Variants in KCNQ5 observed in about 807,000 individuals in gnomAD.
KCNQ5 encodes the protein potassium voltage-gated channel subfamily KQT member 5.
KCNQ5 carries 30 observed loss-of-function variants against 98.2 expected under a neutral mutation model. The ratio of observed to expected loss-of-function variants is 0.31; its 90% CI spans 0.23 to 0.41. KCNQ5 has a LOEUF of 0.41. KCNQ5 is among the 10% of genes least tolerant of loss of function. The pLI, the probability that KCNQ5 is intolerant of heterozygous loss-of-function variation, is 1.00. For missense variants in KCNQ5, 835 were observed against 1,182.5 expected, an observed-to-expected ratio of 0.71 and a Z score of 4.31; for synonymous variants, 458 against 449.4, an observed-to-expected ratio of 1.02 and a Z score of -0.24.
chr6:72,799,182 C>G (rs1774502047), intron 1 of KCNQ5, among the ~76,000 whole-genome samples: 2 of 152,246 alleles, frequency 1.3e-5, no homozygotes, highest in South Asian at 4.1e-4. Flanking sequence ...AATCTGTAGG[C>G]AGGCCAGCAG....
chr6:73,071,712 G>A (rs1443688954), intron 3 of KCNQ5, among the ~76,000 whole-genome samples: 1 of 152,108 alleles, frequency 6.6e-6, no homozygotes, highest in Non-Finnish European at 1.5e-5. Flanking sequence ...AACTTACAGA[G>A]CCAGAACTCA....
At chr6:72,664,577 C>G (rs1766698486) in intron 1 of KCNQ5, among the ~76,000 whole-genome samples, 1 of 152,056 alleles carries the variant, frequency 6.6e-6, no homozygotes, top group Non-Finnish European at 1.5e-5. Flanking sequence ...GTCCCTTGAA[C>G]CTGGGAGGCA....
chr6:73,042,958 A>G (rs1230806164), intron 3 of KCNQ5: 1 of 172,056 alleles, frequency 5.8e-6, no homozygotes, highest in Admixed American at 6.4e-5. Flanking sequence ...AAAATTCTTG[A>G]TGAGGCTTAT....
intron 1 of KCNQ5, among the ~76,000 whole-genome samples, chr6:72,901,197 G>A (rs1350236941): frequency 7.2e-6 from 1 of 139,706 alleles, no homozygotes; most frequent in African/African-American, 2.7e-5. Context: ...ATTTTTTGAT[G>A]GGATTTATTT....
At chr6:73,005,067 T>C (rs1464714662) in intron 2 of KCNQ5, among the ~76,000 whole-genome samples, 1 of 152,224 alleles carries the variant, frequency 6.6e-6, no homozygotes, top group Non-Finnish European at 1.5e-5. Flanking sequence ...ATCAAGTCTT[T>C]CTGTGCAATA....
chr6:73,003,836 T>G, intron 1 of KCNQ5, 72 bp from the exon 2 acceptor site: 1 of 1,039,458 alleles, frequency 9.6e-7, no homozygotes, highest in Middle Eastern at 2.1e-4. Flanking sequence ...CTTTATTCAT[T>G]TGAAGCAAGA....
chr6:72,877,187 C>G (rs1392659697), intron 1 of KCNQ5, among the ~76,000 whole-genome samples: 1 of 152,082 alleles, frequency 6.6e-6, no homozygotes, highest in Non-Finnish European at 1.5e-5. Context: ...ATGCATTAGG[C>G]ATTTGTCCTA....
chr6:73,084,964 C>G (rs188409201), intron 5 of KCNQ5, among the ~76,000 whole-genome samples: 3 of 152,154 alleles, frequency 2.0e-5, no homozygotes, highest in Non-Finnish European at 4.4e-5. Flanking sequence ...AAAGGATCAA[C>G]TGATAAACAT....
chr6:72,903,173 T>G (rs1779575143), intron 1 of KCNQ5, among the ~76,000 whole-genome samples: 1 of 152,126 alleles, frequency 6.6e-6, no homozygotes, highest in African/African-American at 2.4e-5. Context: ...GGTGTCAGTT[T>G]TAATATCTCC....
chr6:72,775,704 C>A (rs574790531), intron 1 of KCNQ5, among the ~76,000 whole-genome samples: 2 of 152,162 alleles, frequency 1.3e-5, no homozygotes, highest in African/African-American at 2.4e-5. Flanking sequence ...GAGAATGGCA[C>A]TTTACATCTG....
In KCNQ5 at chr6:73,111,445, A is replaced by G. The variant is rs766582582; in HGVS notation, c.1125+42A>G. 6 of 1,247,722 alleles carry G rather than the reference A, an allele frequency of 4.8e-6. No homozygotes were observed. In the South Asian group the frequency reaches 5.2e-5, roughly 11 times the overall value. The allele number at this position is 1,247,722 out of a possible 1,614,324, so 77.3% of individuals were successfully genotyped here. ...TAGGTAGATGGCAACATTTGTGTCCATAGTGCTTGATGGGTCATTTTCCAA... is the reference window on the plus strand; with the variant it reads ...TAGGTAGATGGCAACATTTGTGTCCGTAGTGCTTGATGGGTCATTTTCCAA... On this transcript the variant is annotated intron_variant, in intron 7 of 13. Coordinates refer to ENST00000370398, the MANE Select transcript of KCNQ5 (RefSeq NM_019842.4).
At chr6:72,712,305 T>TA (rs1462452364) in intron 1 of KCNQ5, among the ~76,000 whole-genome samples, 21 of 152,186 alleles carry the variant, frequency 1.4e-4, no homozygotes, top group African/African-American at 4.6e-4. Flanking sequence ...CAGAAATTCA[T>TA]AGAGTCCAAG....
intron 1 of KCNQ5, among the ~76,000 whole-genome samples, chr6:72,633,964 C>A (rs79932107): frequency 2.0e-5 from 3 of 152,136 alleles, no homozygotes; most frequent in Admixed American, 1.3e-4. Context: ...GTTTTCTCAA[C>A]ATCAGCCTTG....
At chr6:72,798,873 T>C (rs1774484430) in intron 1 of KCNQ5, among the ~76,000 whole-genome samples, 1 of 152,140 alleles carries the variant, frequency 6.6e-6, no homozygotes, top group South Asian at 2.1e-4. Flanking sequence ...CCATTTTCCC[T>C]ATTTGTGTAT....
intron 10 of KCNQ5, among the ~76,000 whole-genome samples, chr6:73,159,651 T>A (rs757633189): frequency 6.6e-6 from 1 of 152,372 alleles, no homozygotes; most frequent in East Asian, 1.9e-4. Flanking sequence ...TACAAGTTCA[T>A]GCTTTTAATT....
chr6:73,015,659 G>A (rs1770299106), intron 2 of KCNQ5, among the ~76,000 whole-genome samples: 1 of 152,062 alleles, frequency 6.6e-6, no homozygotes, highest in Non-Finnish European at 1.5e-5. Flanking sequence ...TATTCAACCA[G>A]GTCCACACTG....
In KCNQ5 at chr6:72,838,098, C is replaced by T. The variant is rs1218617464; in HGVS notation, c.399-165810C>T. Among the ~76,000 whole-genome samples the T allele has an allele frequency of 8.0e-5, 8 of 100,300 alleles. No individual in the cohort carries two copies. The Admixed American group carries it at 1.1e-3, about 13-fold the overall frequency. 65.8% of individuals were successfully genotyped at this position (100,300 alleles called of 152,430 possible). A position where few individuals can be genotyped will look rare whatever the true frequency, so the allele number is the denominator to read the frequency against. On this transcript the variant is annotated intron_variant, in intron 1 of 13. Transcript: ENST00000370398. Reference sequence around the variant, plus strand: ...AGGTATAGCTCCTAATGCTATCCCTCCCCCCTCCCCCCACCCCACAACAGG... The same window carrying T: ...AGGTATAGCTCCTAATGCTATCCCTTCCCCCTCCCCCCACCCCACAACAGG...
intron 10 of KCNQ5, among the ~76,000 whole-genome samples, chr6:73,145,056 G>T (rs1011209965): frequency 2.0e-5 from 3 of 152,156 alleles, no homozygotes; most frequent in African/African-American, 7.2e-5. Flanking sequence ...AAGCTTATTT[G>T]CTTTTAGTAT....
intron 1 of KCNQ5, among the ~76,000 whole-genome samples, chr6:72,922,567 C>G (rs1780447722): frequency 6.6e-6 from 1 of 152,102 alleles, no homozygotes; most frequent in South Asian, 2.1e-4. Context: ...CTCCCCATAT[C>G]CCTCTCACCA....
Sources: allele counts gnomAD v4.1 joint callset (sites outside exome capture counted in the v4.1 genomes callset), GRCh38; gene constraint gnomAD v4.1.1; transcripts MANE v1.5; gene names NCBI Gene and HGNC (gene_info 2026-07-23, HGNC 2026-07-21).